The following NAALADL2 variants were observed in gnomAD, a reference collection of about 807,000 sequenced individuals.
NAALADL2 encodes the protein inactive N-acetylated-alpha-linked acidic dipeptidase-like protein 2.
In NAALADL2, 76 loss-of-function variants were observed where a neutral mutation model predicts 87.2. The ratio of observed to expected loss-of-function variants is 0.87; its 90% CI spans 0.72 to 1.05. NAALADL2 has a LOEUF of 1.05. Ranked by LOEUF, NAALADL2 falls within the 50% of genes least tolerant of loss-of-function variation. NAALADL2 has a pLI of 0.00. For missense variants in NAALADL2, 1,089 were observed against 945.8 expected, an observed-to-expected ratio of 1.15 and a Z score of -1.99; for synonymous variants, 354 against 331.0, an observed-to-expected ratio of 1.07 and a Z score of -0.75.
At chr3:174,822,159 A>AACAC (rs60752709) in intron 3 of NAALADL2, among the ~76,000 whole-genome samples, 58,830 of 148,510 alleles carry the variant, frequency 0.4, 12,106 homozygotes, top group African/African-American at 0.55. Flanking sequence ...CAGTGACACA[A>AACAC]ACACACACAC....
chr3:175,471,843 T>G, intron 9 of NAALADL2, 85 bp downstream of exon 9: 1 of 1,102,872 alleles, frequency 9.1e-7, no homozygotes, highest in Non-Finnish European at 1.3e-6. Flanking sequence ...TTTTCATTTA[T>G]TTTTAAATAT....
At chr3:174,912,972 C>A (rs372448111) in intron 1 of NAALADL2, among the ~76,000 whole-genome samples, 2 of 152,114 alleles carry the variant, frequency 1.3e-5, no homozygotes, top group African/African-American at 2.4e-5. Flanking sequence ...ATCTATATTT[C>A]ATGGTTTCTA....
At chr3:174,816,273 CAGAG>C (rs546941500) in intron 3 of NAALADL2, among the ~76,000 whole-genome samples, 11 of 151,104 alleles carry the variant, frequency 7.3e-5, no homozygotes, top group Admixed American at 6.6e-4. Context: ...TCTGTATATA[CAGAG>C]AGAGAGAACA....
At chr3:175,496,788 G>C (rs1413580187) in intron 9 of NAALADL2, among the ~76,000 whole-genome samples, 1 of 151,766 alleles carries the variant, frequency 6.6e-6, no homozygotes, top group African/African-American at 2.4e-5. Context: ...TTGAACTCTT[G>C]GGCTCAAGCG....
chr3:174,817,992 T>C (rs1266649245), intron 3 of NAALADL2, among the ~76,000 whole-genome samples: 1 of 152,212 alleles, frequency 6.6e-6, no homozygotes, highest in African/African-American at 2.4e-5. Flanking sequence ...TCATATTGCA[T>C]TTTGTTCTTC....
chr3:175,417,390 A>G (rs1714838575), intron 5 of NAALADL2, among the ~76,000 whole-genome samples: 1 of 152,048 alleles, frequency 6.6e-6, no homozygotes, highest in Non-Finnish European at 1.5e-5. Flanking sequence ...TCAGTAGTAA[A>G]GTGTTTTGCA....
chr3:175,155,818 G>T (rs1732230958), intron 2 of NAALADL2, among the ~76,000 whole-genome samples: 1 of 152,134 alleles, frequency 6.6e-6, no homozygotes, highest in African/African-American at 2.4e-5. Context: ...GAACTTTGGA[G>T]GTGTAAGACA....
rs1196668604 is a variant in NAALADL2 at position 175,361,687 on chromosome 3, A to G, written c.1090+37362A>G. On this transcript the variant is annotated intron_variant, in intron 5 of 13. Coordinates refer to ENST00000454872, the MANE Select transcript of NAALADL2 (RefSeq NM_207015.3). The stretch of plus-strand genomic sequence containing the variant: ...CTTCTTTTGAGAAGTGTCTGTTCAT[A>G]TCCTTCGCCCACTTTTTGATGGGGT... Among the ~76,000 whole-genome samples, 19 of 148,248 alleles carry G rather than the reference A, an allele frequency of 1.3e-4. 2 individuals are homozygous for G. The highest frequency in any genetic ancestry group is 1.2e-3 in the Admixed American group (17 of 14,560).
At chr3:174,645,265 G>A (rs1723660904) in intron 2 of NAALADL2, among the ~76,000 whole-genome samples, 1 of 152,170 alleles carries the variant, frequency 6.6e-6, no homozygotes, top group African/African-American at 2.4e-5. Context: ...TTGTAATTTT[G>A]ACTTTGTTGT....
At chr3:175,009,747 T>C (rs1749533804) in intron 1 of NAALADL2, among the ~76,000 whole-genome samples, 1 of 152,192 alleles carries the variant, frequency 6.6e-6, no homozygotes, top group African/African-American at 2.4e-5. Flanking sequence ...AGTTATTTAA[T>C]TCATATATGC....
At chr3:175,121,649 T>C (rs1303691614) in intron 2 of NAALADL2, among the ~76,000 whole-genome samples, 3 of 151,798 alleles carry the variant, frequency 2.0e-5, no homozygotes, top group Non-Finnish European at 4.4e-5. Flanking sequence ...ATCACACTTT[T>C]GTTTACAGAT....
chr3:175,441,671 TCACACACACACACACACA>T (rs57990259), intron 5 of NAALADL2, among the ~76,000 whole-genome samples: 1 of 148,644 alleles, frequency 6.7e-6, no homozygotes, highest in Non-Finnish European at 1.5e-5. Flanking sequence ...GATCTCATGT[TCACACACACACACACACA>T]CACACACACA....
Position 175,809,037 on chromosome 3 carries a change from G to T in NAALADL2, c.*5834G>T, listed in dbSNP as rs754560206. 1 of 151,906 alleles carries T rather than the reference G, an allele frequency of 6.6e-6. No homozygotes were observed. Among genetic ancestry groups the T allele is most frequent in the Non-Finnish European group, 1.5e-5 (1 of 67,954 alleles). 9.4% of individuals were successfully genotyped at this position (151,906 alleles called of 1,614,324 possible). A position where few individuals can be genotyped will look rare whatever the true frequency, so the allele number is the denominator to read the frequency against. ...TTTGAATTTCTTAGATGCTTTCAGT[G>T]TATGTGCTAGTGTTTTATTAATATT... On this transcript the variant is annotated 3_prime_UTR_variant, in exon 14 of 14. Coordinates refer to ENST00000454872, the MANE Select transcript of NAALADL2 (RefSeq NM_207015.3).
chr3:174,871,876 G>T lies in NAALADL2; in HGVS notation c.43+12426G>T, dbSNP rs111576773. Among the ~76,000 whole-genome samples the T allele has an allele frequency of 4.0e-3, 607 of 152,086 alleles. 5 individuals are homozygous for T. Among genetic ancestry groups the T allele is most frequent in the African/African-American group, 0.014 (587 of 41,394 alleles). On this transcript the variant is annotated intron_variant, in intron 1 of 13. Transcript: ENST00000454872. ...ATCATGCCACTGTACTCCAGCCGGGGTGACAGAACCAGACTCTGTTTCAAA... is the reference window on the plus strand; with the variant it reads ...ATCATGCCACTGTACTCCAGCCGGGTTGACAGAACCAGACTCTGTTTCAAA...
At chr3:174,588,643 T>A (rs1347342412) in intron 2 of NAALADL2, among the ~76,000 whole-genome samples, 2 of 152,178 alleles carry the variant, frequency 1.3e-5, no homozygotes, top group African/African-American at 4.8e-5. Flanking sequence ...GGAGGTCCAC[T>A]CCAGACCCTG....
At chr3:175,515,368 C>A (rs1731692236) in intron 9 of NAALADL2, among the ~76,000 whole-genome samples, 2 of 152,070 alleles carry the variant, frequency 1.3e-5, no homozygotes, top group Admixed American at 1.3e-4. Flanking sequence ...TGAGAGACTG[C>A]CATCCTGCCT....
At chr3:175,227,389 A>G (rs1431124250) in intron 2 of NAALADL2, among the ~76,000 whole-genome samples, 1 of 152,042 alleles carries the variant, frequency 6.6e-6, no homozygotes, top group Non-Finnish European at 1.5e-5. Flanking sequence ...AGTCTTAGGC[A>G]TGACAGTTCA....
At chr3:175,419,954 G>T (rs775513114) in intron 5 of NAALADL2, among the ~76,000 whole-genome samples, 1 of 151,922 alleles carries the variant, frequency 6.6e-6, no homozygotes, top group Non-Finnish European at 1.5e-5. Flanking sequence ...CAAAGGCAAG[G>T]TTTATCTGAA....
At chr3:175,263,538 G>A (rs369640459) in intron 4 of NAALADL2, among the ~76,000 whole-genome samples, 181 of 151,848 alleles carry the variant, frequency 1.2e-3, no homozygotes, top group African/African-American at 4.1e-3. Flanking sequence ...TGAAAATTAC[G>A]ACATCATAGC....
Sources: allele counts gnomAD v4.1 joint callset (sites outside exome capture counted in the v4.1 genomes callset), GRCh38; gene constraint gnomAD v4.1.1; transcripts MANE v1.5; gene names NCBI Gene and HGNC (gene_info 2026-07-23, HGNC 2026-07-21).